The following WDR4 variants were observed in gnomAD, a reference collection of about 807,000 sequenced individuals.
WDR4 encodes WDR4 tRNA N7-guanosine methyltransferase non-catalytic subunit, also known as tRNA (guanine-N(7)-)-methyltransferase non-catalytic subunit WDR4.
WDR4 carries 47 observed loss-of-function variants against 48.6 expected under a neutral mutation model. The observed-to-expected ratio is 0.97, with a 90% CI of 0.77 to 1.23. The LOEUF is 1.23. Among genes scored for constraint, WDR4 ranks in the 50% most tolerant of loss-of-function variants. The pLI is 0.00. For missense variants in WDR4, 606 were observed against 551.6 expected (o/e 1.10, Z -0.99); for synonymous variants, 268 against 230.0 (o/e 1.17, Z -1.49).
At chr21:42,845,349 G>C (rs373779506), downstream of WDR4, among the ~76,000 whole-genome samples, 1 of 101,844 alleles carries the variant, frequency 9.8e-6, no homozygotes, top group Admixed American at 8.4e-5. Flanking sequence ...AACGTATCAC[G>C]TCAACATATA....
intron 3 of WDR4, among the ~76,000 whole-genome samples, chr21:42,864,665 C>T (rs1602737253): frequency 6.6e-6 from 1 of 152,324 alleles, no homozygotes; most frequent in East Asian, 1.9e-4. Flanking sequence ...GGATGCAGCA[C>T]GTTTGCACAC....
intron 2 of WDR4, among the ~76,000 whole-genome samples, chr21:42,874,522 C>G (rs1246537680): frequency 6.6e-6 from 1 of 152,162 alleles, no homozygotes; most frequent in Non-Finnish European, 1.5e-5. Context: ...TATTTCTCTT[C>G]CTTCAAAAGC....
intron 3 of WDR4, among the ~76,000 whole-genome samples, chr21:42,870,208 G>A (rs1481321750): frequency 6.6e-6 from 1 of 151,870 alleles, no homozygotes; most frequent in Non-Finnish European, 1.5e-5. Context: ...AAAATTAACT[G>A]GGCATGGTGG....
At chr21:42,879,611 G>A (rs2058588105), upstream of WDR4, 9 of 1,301,172 alleles carry the variant, frequency 6.9e-6, no homozygotes, top group Non-Finnish European at 8.5e-6. Flanking sequence ...CACGTACCGC[G>A]CATGCTCAAG....
At chr21:42,845,630 C>T (rs1038937571), downstream of WDR4, among the ~76,000 whole-genome samples, 2 of 152,322 alleles carry the variant, frequency 1.3e-5, no homozygotes, top group Middle Eastern at 3.4e-3. Flanking sequence ...CCCTGCAAAA[C>T]TCCACACCAC....
downstream of WDR4, among the ~76,000 whole-genome samples, chr21:42,848,153 AC>A (rs1411475947): frequency 6.6e-6 from 1 of 152,160 alleles, no homozygotes; most frequent in African/African-American, 2.4e-5. Flanking sequence ...ACCCAGCGAT[AC>A]CCCACATCAT....
chr21:42,864,175 G>C (rs574012176), intron 3 of WDR4, among the ~76,000 whole-genome samples: 1 of 150,328 alleles, frequency 6.7e-6, no homozygotes, highest in Non-Finnish European at 1.5e-5. Context: ...CTAGGTGGTG[G>C]ATAAATGCGT....
At chr21:42,843,937 T>C (rs530475160) in intron 11 of WDR4, among the ~76,000 whole-genome samples, 4 of 152,324 alleles carry the variant, frequency 2.6e-5, no homozygotes, top group South Asian at 4.1e-4. Context: ...GCAATCCCCC[T>C]GCCTCAACTT....
chr21:42,853,405 G>A (rs932042889), intron 9 of WDR4, among the ~76,000 whole-genome samples, 164 bp downstream of exon 9: 4 of 152,214 alleles, frequency 2.6e-5, no homozygotes, highest in African/African-American at 9.7e-5. Context: ...TTCACCCACG[G>A]TGGAAGCCCC....
chr21:42,859,145 C>A (rs535793785), intron 6 of WDR4, among the ~76,000 whole-genome samples: 2 of 152,036 alleles, frequency 1.3e-5, no homozygotes, highest in South Asian at 2.1e-4. Flanking sequence ...CGGGTGCGGG[C>A]GCTCGAGCCT....
In WDR4 at chr21:42,849,873, G is replaced by A; in HGVS notation, c.*176C>T. ...GAAAGGGGGCACAGGCACCCAGCAA[G>A]AGCCTGTGCTGGTGACACAGAATGT... On this transcript the variant is annotated 3_prime_UTR_variant, in exon 11 of 11. Transcript: ENST00000398208. 2 of 741,844 alleles carry A rather than the reference G, an allele frequency of 2.7e-6. No individual in the cohort carries two copies. The allele number at this position is 741,844 out of a possible 1,614,324, so 46.0% of individuals were successfully genotyped here. A position where few individuals can be genotyped will look rare whatever the true frequency, so the allele number is the denominator to read the frequency against.
At chr21:42,871,961 C>G (rs943122143) in intron 3 of WDR4, among the ~76,000 whole-genome samples, 3 of 151,314 alleles carry the variant, frequency 2.0e-5, no homozygotes, top group African/African-American at 7.3e-5. Context: ...AGCAGGCATT[C>G]ATTGCTTTTG....
chr21:42,854,520 G>A, intron 8 of WDR4, 42 bp downstream of exon 8: 1 of 1,594,770 alleles, frequency 6.3e-7, no homozygotes. Context: ...CCCCCTGCAG[G>A]TCTGCAGAAC....
At chr21:42,844,519 G>T (rs369231405), downstream of WDR4, among the ~76,000 whole-genome samples, 1 of 152,172 alleles carries the variant, frequency 6.6e-6, no homozygotes, top group African/African-American at 2.4e-5. Flanking sequence ...AACCTCCACC[G>T]CCAGGACTGA....
chr21:42,877,755 A>C (rs1408789698), intron 1 of WDR4, among the ~76,000 whole-genome samples: 1 of 152,148 alleles, frequency 6.6e-6, no homozygotes, highest in Non-Finnish European at 1.5e-5. Flanking sequence ...TGGTTATAAG[A>C]AATTACGGGC....
At chr21:42,865,429 C>T (rs1471538216) in intron 3 of WDR4, among the ~76,000 whole-genome samples, 1 of 152,114 alleles carries the variant, frequency 6.6e-6, no homozygotes, top group Admixed American at 6.5e-5. Flanking sequence ...GACTTGGACT[C>T]ACAGGGCGCT....
chr21:42,849,829 T>C lies in WDR4; in HGVS notation c.*220A>G. The C allele has an allele frequency of 1.8e-6, 1 of 541,880 alleles. No homozygotes were observed. The highest frequency in any genetic ancestry group is 2.6e-5 in the South Asian group (1 of 37,988). 33.6% of individuals were successfully genotyped at this position (541,880 alleles called of 1,614,324 possible). A position where few individuals can be genotyped will look rare whatever the true frequency, so the allele number is the denominator to read the frequency against. On this transcript the variant is annotated 3_prime_UTR_variant, in exon 11 of 11. Coordinates refer to ENST00000398208, the MANE Select transcript of WDR4 (RefSeq NM_018669.6). ...GCTTCAAGAGCTTCCACTCCACTGGTCTGGCTTCCCTTCAACCAGAAAGGG... is the reference window on the plus strand; with the variant it reads ...GCTTCAAGAGCTTCCACTCCACTGGCCTGGCTTCCCTTCAACCAGAAAGGG...
the WDR4 span, among the ~76,000 whole-genome samples, chr21:42,887,652 C>G: frequency 6.6e-6 from 1 of 152,190 alleles, no homozygotes; most frequent in African/African-American, 2.4e-5. Context: ...TTTACATTTA[C>G]GTTTCTCTCA....
At chr21:42,875,122 G>A (rs984163695) in intron 2 of WDR4, among the ~76,000 whole-genome samples, 4 of 152,128 alleles carry the variant, frequency 2.6e-5, no homozygotes, top group Non-Finnish European at 4.4e-5. Context: ...GTGAAATATC[G>A]GGGGTGAATT....
Sources: gnomAD v4.1 joint callset for allele counts (sites outside exome capture counted in the v4.1 genomes callset) on GRCh38, gnomAD v4.1.1 for gene constraint, MANE v1.5 for transcripts, NCBI Gene and HGNC (gene_info 2026-07-23, HGNC 2026-07-21) for gene names.